The following RIMS2 variants were observed in gnomAD, a reference collection of about 807,000 sequenced individuals.
RIMS2 encodes regulating synaptic membrane exocytosis 2.
A neutral mutation model predicts 174.4 loss-of-function variants in RIMS2; 59 were observed. That is an observed-to-expected ratio of 0.34 (90% confidence interval 0.27 to 0.42). The LOEUF (loss-of-function observed/expected upper bound fraction) is 0.42. Ranked by LOEUF, RIMS2 falls within the 10% of genes least tolerant of loss-of-function variation. RIMS2 has a pLI of 1.00. For synonymous variants in RIMS2, 606 were observed against 572.5 expected (o/e 1.06, Z -0.84); for missense variants, 1,620 against 1,666.3 (o/e 0.97, Z 0.48).
At chr8:104,170,524 T>C (rs1031522387) in intron 19 of RIMS2, among the ~76,000 whole-genome samples, 2 of 152,052 alleles carry the variant, frequency 1.3e-5, no homozygotes, top group Non-Finnish European at 2.9e-5. Context: ...TTTTTCCACC[T>C]CTTTACCTTA....
intron 1 of RIMS2, among the ~76,000 whole-genome samples, chr8:103,541,767 A>G (rs1210167029): frequency 2.6e-5 from 4 of 152,226 alleles, no homozygotes; most frequent in Admixed American, 2.6e-4. Flanking sequence ...TACAATGCAA[A>G]AAGATATAAA....
At chr8:104,134,466 AAAAC>A (rs1251126303) in intron 19 of RIMS2, among the ~76,000 whole-genome samples, 2 of 152,250 alleles carry the variant, frequency 1.3e-5, no homozygotes, top group African/African-American at 2.4e-5. Flanking sequence ...CTTCATCTCA[AAAAC>A]AAACAAACAA....
At chr8:103,808,249 C>A (rs944045998) in intron 3 of RIMS2, among the ~76,000 whole-genome samples, 10 of 152,080 alleles carry the variant, frequency 6.6e-5, no homozygotes, top group Non-Finnish European at 1.0e-4. Context: ...GTCTTCCGGG[C>A]TACCACACTC....
At chr8:103,740,650 T>C (rs868175078) in intron 2 of RIMS2, among the ~76,000 whole-genome samples, 1 of 152,184 alleles carries the variant, frequency 6.6e-6, no homozygotes, top group Non-Finnish European at 1.5e-5. Flanking sequence ...TTCTCACATA[T>C]TTTTAAGATG....
At chr8:103,791,911 A>T (rs2098502681) in intron 3 of RIMS2, among the ~76,000 whole-genome samples, 1 of 152,196 alleles carries the variant, frequency 6.6e-6, no homozygotes, top group African/African-American at 2.4e-5. Context: ...GATCGCCCAG[A>T]TTCATAAAGC....
chr8:103,890,716 A>C (rs1299493075), intron 4 of RIMS2, among the ~76,000 whole-genome samples: 1 of 151,924 alleles, frequency 6.6e-6, no homozygotes, highest in East Asian at 1.9e-4. Context: ...TTTGGGCTAT[A>C]GAAGGAGGTA....
intron 2 of RIMS2, among the ~76,000 whole-genome samples, chr8:103,704,256 T>G (rs1023740889): frequency 3.3e-5 from 5 of 151,560 alleles, no homozygotes; most frequent in Non-Finnish European, 7.4e-5. Flanking sequence ...TTTCTATTAT[T>G]GTGGTGTGTC....
At chr8:103,820,335 T>C (rs1367367980) in intron 3 of RIMS2, among the ~76,000 whole-genome samples, 3 of 152,024 alleles carry the variant, frequency 2.0e-5, no homozygotes, top group Admixed American at 1.3e-4. Context: ...TTAAGTTGTT[T>C]GGCTTTTGAG....
At chr8:104,055,558 A>G (rs1408205288) in intron 19 of RIMS2, among the ~76,000 whole-genome samples, 1 of 152,184 alleles carries the variant, frequency 6.6e-6, no homozygotes, top group Non-Finnish European at 1.5e-5. Context: ...AATAACCATT[A>G]TATTTCTTCT....
intron 1 of RIMS2, among the ~76,000 whole-genome samples, chr8:103,663,466 A>G (rs2096629101): frequency 6.6e-6 from 1 of 152,206 alleles, no homozygotes; most frequent in African/African-American, 2.4e-5. Context: ...ATGTGCAAAA[A>G]TCACAAGCAT....
intron 19 of RIMS2, among the ~76,000 whole-genome samples, chr8:104,140,147 T>C (rs2098554127): frequency 6.6e-6 from 1 of 152,198 alleles, no homozygotes; most frequent in Non-Finnish European, 1.5e-5. Flanking sequence ...TTTAATGTAT[T>C]GTTGAATTCA....
chr8:103,555,820 A>G (rs1850189672), intron 1 of RIMS2, among the ~76,000 whole-genome samples: 1 of 152,120 alleles, frequency 6.6e-6, no homozygotes, highest in South Asian at 2.1e-4. Context: ...AAAAAGAAAA[A>G]AAGTGCTATA....
chr8:103,584,008 C>T (rs1588271562), intron 1 of RIMS2, among the ~76,000 whole-genome samples: 2 of 152,194 alleles, frequency 1.3e-5, no homozygotes, highest in South Asian at 4.1e-4. Context: ...CATATTTAAA[C>T]AGATTTAAAC....
chr8:103,566,642 T>C (rs2092375653), intron 1 of RIMS2, among the ~76,000 whole-genome samples: 1 of 152,236 alleles, frequency 6.6e-6, no homozygotes, highest in East Asian at 1.9e-4. Context: ...CTAAATTTCC[T>C]AGCCATCTAT....
chr8:103,834,918 G>T lies in RIMS2; in HGVS notation c.699-50380G>T, dbSNP rs572623275. Among the ~76,000 whole-genome samples, 36 of 151,386 alleles carry T rather than the reference G, an allele frequency of 2.4e-4. No individual in the cohort carries two copies. In the South Asian group the frequency reaches 6.3e-3, roughly 26 times the overall value. ...CCTGAGTAGCTGGGACTACAGGCAT[G>T]CGCCATCCTGCCCAGCTAATTTTTG... On this transcript the variant is annotated intron_variant, in intron 3 of 23. Transcript: ENST00000504942.
intron 3 of RIMS2, among the ~76,000 whole-genome samples, chr8:103,875,626 A>G (rs1394286485): frequency 6.6e-6 from 1 of 152,012 alleles, no homozygotes; most frequent in Non-Finnish European, 1.5e-5. Flanking sequence ...AGATACTCTC[A>G]GTAGTGGGTT....
chr8:104,181,264 A>G (rs1263244019), intron 19 of RIMS2, among the ~76,000 whole-genome samples: 2 of 151,626 alleles, frequency 1.3e-5, no homozygotes, highest in Non-Finnish European at 3.0e-5. Flanking sequence ...ATTTTGGAAA[A>G]CATCTAAACA....
intron 1 of RIMS2, among the ~76,000 whole-genome samples, chr8:103,602,239 G>A (rs139960678): frequency 0.012 from 1,780 of 152,108 alleles, 34 homozygotes; most frequent in African/African-American, 0.039. Flanking sequence ...CGCCCGCCTC[G>A]GCCTCCCAAA....
At chr8:104,184,512 A>C (rs1008399723) in intron 19 of RIMS2, among the ~76,000 whole-genome samples, 1 of 151,598 alleles carries the variant, frequency 6.6e-6, no homozygotes, top group East Asian at 1.9e-4. Flanking sequence ...ATTGAAAAGC[A>C]TAAGAAATAT....
Sources: allele counts gnomAD v4.1 joint callset (sites outside exome capture counted in the v4.1 genomes callset), GRCh38; gene constraint gnomAD v4.1.1; transcripts MANE v1.5; gene names NCBI Gene and HGNC (gene_info 2026-07-23, HGNC 2026-07-21).